The following SDK1 variants were observed in gnomAD, a reference collection of about 807,000 sequenced individuals.
SDK1 encodes sidekick cell adhesion molecule 1.
In SDK1, 157 loss-of-function variants were observed where a neutral mutation model predicts 245.5. That is an observed-to-expected ratio of 0.64 (90% confidence interval 0.56 to 0.73). The LOEUF (loss-of-function observed/expected upper bound fraction) is 0.73, where lower values mean the gene tolerates loss of function less well. Ranked by LOEUF, SDK1 falls within the 30% of genes least tolerant of loss-of-function variation. SDK1 has a pLI of 0.00. For synonymous variants in SDK1, 1,647 were observed against 1,278.5 expected (o/e 1.29, Z -6.15); for missense variants, 3,583 against 3,002.3 (o/e 1.19, Z -4.52).
rs887077692 is a variant in SDK1, at chr7:3,654,818, A to G, written c.713+12713A>G. On this transcript the variant is annotated intron_variant, in intron 4 of 44. Transcript: ENST00000404826. ...CAGGAGTTTAATATTCTATGTACCA[A>G]TTTTTCACTGGAAATAAAATACTTC... is the stretch of plus-strand genomic sequence containing the variant. Among the ~76,000 whole-genome samples the G allele has an allele frequency of 3.3e-5, 5 of 152,134 alleles. No individual in the cohort carries two copies. The South Asian group carries it at 6.2e-4, about 19-fold the overall frequency.
chr7:3,909,211 C>T lies in SDK1; in HGVS notation c.848-41712C>T, dbSNP rs568749723. 7.2e-5 allele frequency among the ~76,000 whole-genome samples: 11 copies of T among 152,300 alleles called. 1 individual carries two copies. In the South Asian group the frequency reaches 1.9e-3, roughly 26 times the overall value. ...GACCCTCATCCTCTACTCCATCATACACCTGTTTTCCATTACGGAGTTCTG... is the reference window on the plus strand; with the variant it reads ...GACCCTCATCCTCTACTCCATCATATACCTGTTTTCCATTACGGAGTTCTG... On this transcript the variant is annotated intron_variant, in intron 5 of 44. Coordinates refer to ENST00000404826, the MANE Select transcript of SDK1 (RefSeq NM_152744.4).
intron 14 of SDK1, among the ~76,000 whole-genome samples, chr7:3,988,728 C>T (rs1784062676): frequency 6.6e-6 from 1 of 152,144 alleles, no homozygotes. Flanking sequence ...CCATTACCTC[C>T]ACAAAGAAGC....
intron 4 of SDK1, among the ~76,000 whole-genome samples, chr7:3,736,584 CT>C (rs1779324338): frequency 1.3e-5 from 2 of 152,066 alleles, no homozygotes; most frequent in Admixed American, 1.3e-4. Context: ...ATTAGGGGTT[CT>C]TTTTAGCTGC....
At chr7:4,081,612 G>T (rs541844005) in intron 22 of SDK1, among the ~76,000 whole-genome samples, 6 of 152,032 alleles carry the variant, frequency 3.9e-5, no homozygotes, top group South Asian at 2.1e-4. Flanking sequence ...TAGAGACGGG[G>T]TTTCACCATG....
intron 32 of SDK1, among the ~76,000 whole-genome samples, chr7:4,169,478 G>A (rs924597357): frequency 2.0e-5 from 3 of 152,130 alleles, no homozygotes; most frequent in South Asian, 2.1e-4. Flanking sequence ...ATCAAAAGCC[G>A]CCTCCTCCTC....
intron 1 of SDK1, among the ~76,000 whole-genome samples, chr7:3,571,913 C>T (rs957127796): frequency 2.6e-5 from 4 of 152,054 alleles, no homozygotes; most frequent in Admixed American, 6.5e-5. Flanking sequence ...AGCCATCACT[C>T]ATACTCTCTT....
chr7:3,333,232 C>T (rs533676460), intron 1 of SDK1, among the ~76,000 whole-genome samples: 18 of 152,020 alleles, frequency 1.2e-4, no homozygotes, highest in Non-Finnish European at 1.8e-4. Context: ...TCAATATGGC[C>T]GGTTATTGGC....
chr7:3,653,042 G>C (rs1184531799), intron 4 of SDK1, among the ~76,000 whole-genome samples: 9 of 152,214 alleles, frequency 5.9e-5, no homozygotes, highest in South Asian at 2.1e-4. Context: ...GTGCCAAACA[G>C]TGGACTTCTC....
intron 33 of SDK1, 121 bp downstream of exon 33, chr7:4,174,478 G>C: frequency 8.7e-7 from 1 of 1,152,828 alleles, no homozygotes; most frequent in Admixed American, 2.0e-5. Context: ...AGGCAGCCCT[G>C]CCCTCAGGAA....
chr7:3,604,281 T>A (rs892134899), intron 1 of SDK1, among the ~76,000 whole-genome samples: 1 of 152,226 alleles, frequency 6.6e-6, no homozygotes, highest in African/African-American at 2.4e-5. Context: ...TTTGTACCTC[T>A]GGTAGAATTC....
intron 1 of SDK1, among the ~76,000 whole-genome samples, chr7:3,501,863 A>G (rs887664474): frequency 6.6e-6 from 1 of 152,168 alleles, no homozygotes; most frequent in Non-Finnish European, 1.5e-5. Flanking sequence ...ATTCTGTATT[A>G]TGAGCTCTTG....
intron 22 of SDK1, 131 bp from the exon 23 acceptor site, chr7:4,110,532 A>T (rs768271256): frequency 8.9e-5 from 59 of 665,220 alleles, no homozygotes; most frequent in Non-Finnish European, 1.4e-4. Flanking sequence ...GCAGGACTCA[A>T]CTTGTCCCAG....
At chr7:3,917,660 C>T (rs1779431903) in intron 5 of SDK1, among the ~76,000 whole-genome samples, 1 of 152,160 alleles carries the variant, frequency 6.6e-6, no homozygotes, top group South Asian at 2.1e-4. Flanking sequence ...AGAGGAACGT[C>T]TATGGGACCA....
chr7:4,092,767 C>T (rs145485917), intron 22 of SDK1, among the ~76,000 whole-genome samples: 38 of 152,208 alleles, frequency 2.5e-4, no homozygotes, highest in Middle Eastern at 3.4e-3. Flanking sequence ...CAATAGAACC[C>T]ATCAGTTGGG....
chr7:4,221,106 C>A (rs886550346), intron 39 of SDK1, 133 bp from the exon 40 acceptor site: 11 of 1,052,124 alleles, frequency 1.0e-5, no homozygotes, highest in Non-Finnish European at 1.5e-5. Context: ...ACCCTGGGTG[C>A]GTGAGGTTAA....
At chr7:3,801,325 T>G (rs1470444675) in intron 4 of SDK1, among the ~76,000 whole-genome samples, 2 of 152,208 alleles carry the variant, frequency 1.3e-5, no homozygotes, top group Non-Finnish European at 2.9e-5. Flanking sequence ...ATAGTGCATA[T>G]AATTTATTCT....
intron 1 of SDK1, among the ~76,000 whole-genome samples, chr7:3,340,599 A>G (rs1780320975): frequency 6.6e-6 from 1 of 152,022 alleles, no homozygotes; most frequent in Non-Finnish European, 1.5e-5. Flanking sequence ...CGTCTCTACT[A>G]AAAATACCAA....
chr7:3,967,775 G>C (rs1782191938), intron 10 of SDK1, among the ~76,000 whole-genome samples: 1 of 152,200 alleles, frequency 6.6e-6, no homozygotes. Flanking sequence ...CTGCTGCCGA[G>C]CTGACAGGAG....
At chr7:3,597,627 AG>A (rs1562591406) in intron 1 of SDK1, among the ~76,000 whole-genome samples, 1 of 152,118 alleles carries the variant, frequency 6.6e-6, no homozygotes, top group African/African-American at 2.4e-5. Context: ...TTACAGTCTT[AG>A]TTTGATTAGG....
Sources: gnomAD v4.1 joint callset for allele counts (sites outside exome capture counted in the v4.1 genomes callset) on GRCh38, gnomAD v4.1.1 for gene constraint, MANE v1.5 for transcripts, NCBI Gene and HGNC (gene_info 2026-07-23, HGNC 2026-07-21) for gene names.